Variants in GPR12 observed in about 807,000 individuals in gnomAD.
The protein encoded by GPR12 is G-protein coupled receptor 12.
In GPR12, 7 loss-of-function variants were observed where a neutral mutation model predicts 18.9. The ratio of observed to expected loss-of-function variants is 0.37; its 90% confidence interval spans 0.21 to 0.70. The LOEUF is 0.70. Ranked by LOEUF, GPR12 falls within the 30% of genes least tolerant of loss-of-function variation. The probability of loss-of-function intolerance (pLI) is 0.54; values close to 1 mark genes in which losing one functional copy is unlikely to be tolerated. For synonymous variants in GPR12, 201 were observed against 188.6 expected, an observed-to-expected ratio of 1.07 and a Z score of -0.54; for missense variants, 327 against 427.7, an observed-to-expected ratio of 0.76 and a Z score of 2.08.
chr13:26,759,615 G>T lies in GPR12; in HGVS notation c.213C>A (p.His71Gln), dbSNP rs1318188001. ...ENAIVVLIIF[H>Q]NPSLRAPMFL... ...ACATGGGTGCTCGCAGGCTGGGGTT[G>T]TGGAAGATGATAAGGACCACAATGG... Residue 71 changes from histidine to glutamine, a missense_variant, in exon 2 of 2, where the codon CAC (histidine) becomes CAA (glutamine). Coordinates refer to ENST00000405846, the MANE Select transcript of GPR12 (RefSeq NM_005288.4). 1 of 1,614,204 alleles carries T rather than the reference G, an allele frequency of 6.2e-7. No homozygotes were observed. Among genetic ancestry groups the T allele is most frequent in the Non-Finnish European group, 8.5e-7 (1 of 1,180,040 alleles).
Position 26,759,623 on chromosome 13 carries a change from T to A in GPR12, c.205A>T (p.Ile69Phe), listed in dbSNP as rs747921779. The A allele has an allele frequency of 1.2e-6, 2 of 1,613,988 alleles. No homozygotes were observed. The highest frequency in any genetic ancestry group is 1.7e-6 in the Non-Finnish European group (2 of 1,180,014). The change falls in exon 2 of 2, where the codon ATC (isoleucine) becomes TTC (phenylalanine). Residue 69 changes from isoleucine (I) to phenylalanine (F), a missense_variant. Ile to Phe is a conservative substitution (Grantham distance 21, BLOSUM62 0). Coordinates refer to ENST00000405846, the MANE Select transcript of GPR12 (RefSeq NM_005288.4). Reference protein sequence around the residue: ...SCENAIVVLIIFHNPSLRAPM... With the variant: ...SCENAIVVLIFFHNPSLRAPM... The stretch of plus-strand genomic sequence containing the variant: ...GCTCGCAGGCTGGGGTTGTGGAAGA[T>A]GATAAGGACCACAATGGCATTTTCA...
chr13:26,756,361 T>C lies in GPR12; in HGVS notation c.*2462A>G, dbSNP rs1294911423. On this transcript the variant is annotated 3_prime_UTR_variant, in exon 2 of 2. Transcript: ENST00000405846. Reference sequence around the variant, plus strand: ...CGCCACCACGCCCGGCTAAATTTTATTTTTAGTAGAGACAGGGTTTTGCCA... The same window carrying C: ...CGCCACCACGCCCGGCTAAATTTTACTTTTAGTAGAGACAGGGTTTTGCCA... 1 of 152,208 alleles carries C rather than the reference T, an allele frequency of 6.6e-6. No homozygotes were observed. Among genetic ancestry groups the C allele is most frequent in the Admixed American group, 6.6e-5 (1 of 15,264 alleles). The allele number at this position is 152,208 out of a possible 1,614,324, so 9.4% of individuals were successfully genotyped here.
rs1884405852 is a variant in GPR12 at position 26,757,942 on chromosome 13, T to C, written c.*881A>G. 1 of 152,262 alleles carries C rather than the reference T, an allele frequency of 6.6e-6. No homozygotes were observed. Among genetic ancestry groups the C allele is most frequent in the African/African-American group, 2.4e-5 (1 of 41,474 alleles). 9.4% of individuals were successfully genotyped at this position (152,262 alleles called of 1,614,324 possible). On this transcript the variant is annotated 3_prime_UTR_variant, in exon 2 of 2. Transcript: ENST00000405846. ...TCTACTCTCAATTGCTAATATTTTT[T>C]CCTTTTGTTTTCTGAAAACAATCAG... is the stretch of plus-strand genomic sequence containing the variant.
Position 26,756,077 on chromosome 13 carries a change from G to A in GPR12, c.*2746C>T, listed in dbSNP as rs928351857. The stretch of plus-strand genomic sequence containing the variant: ...ATCCAACATTTTTCACAATTTAAAC[G>A]GTAAAGGCATGTTGTTAGTTGAACT... On this transcript the variant is annotated 3_prime_UTR_variant, in exon 2 of 2. Transcript: ENST00000405846. The A allele has an allele frequency of 2.0e-5, 3 of 152,168 alleles. No individual in the cohort carries two copies. Among genetic ancestry groups the A allele is most frequent in the Admixed American group, 1.3e-4 (2 of 15,286 alleles). 9.4% of individuals were successfully genotyped at this position (152,168 alleles called of 1,614,324 possible). A position where few individuals can be genotyped will look rare whatever the true frequency, so the allele number is the denominator to read the frequency against.
At position 26,759,229 on chromosome 13, in the gene GPR12, G is replaced by A. The variant is rs769723818; in HGVS notation, c.599C>T (p.Ala200Val). The A allele has an allele frequency of 8.7e-6, 14 of 1,612,944 alleles. No individual in the cohort carries two copies. The highest frequency in any genetic ancestry group is 1.3e-5 in the African/African-American group (1 of 74,860). ...GAAGAGGAAGGACACCGAGAGGATG[G>A]CCGCGTTGTTCTTGGTGAGCGGTCT... is the stretch of plus-strand genomic sequence containing the variant. Reference protein sequence around the residue: ...VVRPLTKNNAAILSVSFLFMF... With the variant: ...VVRPLTKNNAVILSVSFLFMF... The change falls in exon 2 of 2, where the codon GCC becomes GTC. Residue 200 changes from alanine (A) to valine (V), a missense_variant. Coordinates refer to ENST00000405846, the MANE Select transcript of GPR12 (RefSeq NM_005288.4).
Position 26,759,657 on chromosome 13 carries a change from G to A in GPR12, c.171C>T (p.Leu57=). 2 of 1,614,050 alleles carry A rather than the reference G, an allele frequency of 1.2e-6. No individual in the cohort carries two copies. Residue 57 remains leucine, a synonymous_variant, in exon 2 of 2, where the codon CTC becomes CTT. Coordinates refer to ENST00000405846, the MANE Select transcript of GPR12 (RefSeq NM_005288.4). ...WDIVLCTSGT[L]ISCENAIVVL... Reference sequence around the variant, plus strand: ...CCACAATGGCATTTTCACAGGAGATGAGGGTTCCCGAGGTACACAAGACAA... The same window carrying A: ...CCACAATGGCATTTTCACAGGAGATAAGGGTTCCCGAGGTACACAAGACAA...
chr13:26,760,006 G>A, intron 1 of GPR12, 164 bp from the exon 2 acceptor site: 9 of 1,203,844 alleles, frequency 7.5e-6, no homozygotes, highest in Non-Finnish European at 1.0e-5. Context: ...TGAAACAAAA[G>A]CCAAAGTCTC....
intron 1 of GPR12, chr13:26,760,330 G>T: frequency 5.9e-6 from 1 of 168,364 alleles, no homozygotes. Context: ...CCGCGCGCGT[G>T]CACATCCTCA....
rs1272967207 is a variant in GPR12 at position 26,757,323 on chromosome 13, T to G, written c.*1500A>C. 1 of 152,246 alleles carries G rather than the reference T, an allele frequency of 6.6e-6. No homozygotes were observed. Among genetic ancestry groups the G allele is most frequent in the East Asian group, 1.9e-4 (1 of 5,198 alleles). 9.4% of individuals were successfully genotyped at this position (152,246 alleles called of 1,614,324 possible). On this transcript the variant is annotated 3_prime_UTR_variant, in exon 2 of 2. Coordinates refer to ENST00000405846, the MANE Select transcript of GPR12 (RefSeq NM_005288.4). ...AATGACCCTGAAATACTGCTTTTGC[T>G]GCCATCTGAATGGGCTCAATTAATG...
rs762134378 is a variant in GPR12 at position 26,759,795 on chromosome 13, C to A, written c.33G>T (p.Gly11=). ...CGGCATCTAAATAATCCCGAGGCAGCCCGCTTAAATTGACCTTCAGGTCTT... is the reference window on the plus strand; with the variant it reads ...CGGCATCTAAATAATCCCGAGGCAGACCGCTTAAATTGACCTTCAGGTCTT... The part of the protein sequence containing the change: MNEDLKVNLS[G]LPRDYLDAAA... Residue 11 remains glycine, a synonymous_variant, in exon 2 of 2, where the codon GGG becomes GGT. Coordinates refer to ENST00000405846, the MANE Select transcript of GPR12 (RefSeq NM_005288.4). The A allele has an allele frequency of 3.1e-6, 5 of 1,596,578 alleles. No homozygotes were observed. The African/African-American group carries it at 4.0e-5, about 13-fold the overall frequency.
chr13:26,759,896 A>C, intron 1 of GPR12, 54 bp from the exon 2 acceptor site: 17 of 1,498,134 alleles, frequency 1.1e-5, no homozygotes, highest in Non-Finnish European at 1.5e-5. Context: ...GTGACAATCC[A>C]AGATCATGCA....
In GPR12 at chr13:26,758,755, G is replaced by A. The variant is rs1294999629; in HGVS notation, c.*68C>T. On this transcript the variant is annotated 3_prime_UTR_variant, in exon 2 of 2. Transcript: ENST00000405846. Reference sequence around the variant, plus strand: ...ATCCAATGCAAGGAATTCAAGGGAAGCATCTCAAACCTTGGCCAGGCAGTG... The same window carrying A: ...ATCCAATGCAAGGAATTCAAGGGAAACATCTCAAACCTTGGCCAGGCAGTG... 2.0e-6 allele frequency: 3 copies of A among 1,521,056 alleles called. No homozygotes were observed. Among genetic ancestry groups the A allele is most frequent in the African/African-American group, 2.8e-5 (2 of 72,152 alleles). The allele number at this position is 1,521,056 out of a possible 1,614,324, so 94.2% of individuals were successfully genotyped here. A position where few individuals can be genotyped will look rare whatever the true frequency, so the allele number is the denominator to read the frequency against.
rs1267095251 is a variant in GPR12, at chr13:26,756,184, A to C, written c.*2639T>G. ...GTAACTAGTGTAACTTTAAACAGGAAATTTTATGTCCTTTTTTTTTTGAGA... is the reference window on the plus strand; with the variant it reads ...GTAACTAGTGTAACTTTAAACAGGACATTTTATGTCCTTTTTTTTTTGAGA... On this transcript the variant is annotated 3_prime_UTR_variant, in exon 2 of 2. Coordinates refer to ENST00000405846, the MANE Select transcript of GPR12 (RefSeq NM_005288.4). The C allele has an allele frequency of 1.3e-5, 2 of 152,212 alleles. No individual in the cohort carries two copies. Among genetic ancestry groups the C allele is most frequent in the East Asian group, 3.9e-4 (2 of 5,176 alleles). The allele number at this position is 152,212 out of a possible 1,614,324, so 9.4% of individuals were successfully genotyped here.
intron 1 of GPR12, 131 bp from the exon 2 acceptor site, chr13:26,759,973 G>C (rs545328327): frequency 1.5e-6 from 2 of 1,349,018 alleles, no homozygotes; most frequent in South Asian, 3.9e-5. Flanking sequence ...CACAAGCTTC[G>C]GGAATGAGGA....
rs979184332 is a variant in GPR12 at position 26,757,424 on chromosome 13, G to A, written c.*1399C>T. The A allele has an allele frequency of 5.3e-5, 8 of 152,254 alleles. No individual in the cohort carries two copies. Among genetic ancestry groups the A allele is most frequent in the South Asian group, 2.1e-4 (1 of 4,818 alleles). The allele number at this position is 152,254 out of a possible 1,614,324, so 9.4% of individuals were successfully genotyped here. On this transcript the variant is annotated 3_prime_UTR_variant, in exon 2 of 2. Coordinates refer to ENST00000405846, the MANE Select transcript of GPR12 (RefSeq NM_005288.4). ...TTGCAAATGGAGGGAAGGTACCTGC[G>A]TCTACATTTGTCTGCATGAACAGAA...
rs977257304 is a variant in GPR12 at position 26,758,059 on chromosome 13, A to T, written c.*764T>A. On this transcript the variant is annotated 3_prime_UTR_variant, in exon 2 of 2. Transcript: ENST00000405846. ...CTTCAGGATTCATTTTAGAAAGTAC[A>T]TATTGGAAAACTATATTGAAAAATG... 6.6e-6 allele frequency: 1 copy of T among 152,252 alleles called. No homozygotes were observed. Among genetic ancestry groups the T allele is most frequent in the African/African-American group, 2.4e-5 (1 of 41,468 alleles). 9.4% of individuals were successfully genotyped at this position (152,252 alleles called of 1,614,324 possible). A position where few individuals can be genotyped will look rare whatever the true frequency, so the allele number is the denominator to read the frequency against.
In GPR12 at chr13:26,759,344, C is replaced by T; in HGVS notation, c.484G>A (p.Val162Ile). 1.2e-6 allele frequency: 2 copies of T among 1,613,540 alleles called. No individual in the cohort carries two copies. Among genetic ancestry groups the T allele is most frequent in the Non-Finnish European group, 1.7e-6 (2 of 1,179,994 alleles). The stretch of plus-strand genomic sequence containing the variant: ...CAGATGGAGGTCCCCCAGAGCATGA[C>T]GAGCATGACATAGGTAAACGTGACC... ...RTVTFTYVML[V>I]MLWGTSICLG... The change falls in exon 2 of 2, where the codon GTC (valine) becomes ATC (isoleucine). Residue 162 changes from valine to isoleucine, a missense_variant. By Grantham distance (29) the Val-to-Ile change is conservative (BLOSUM62 3). Coordinates refer to ENST00000405846, the MANE Select transcript of GPR12 (RefSeq NM_005288.4).
Position 26,755,212 on chromosome 13 carries a change from C to T in GPR12, c.*3611G>A, listed in dbSNP as rs1427619864. On this transcript the variant is annotated 3_prime_UTR_variant, in exon 2 of 2. Coordinates refer to ENST00000405846, the MANE Select transcript of GPR12 (RefSeq NM_005288.4). The stretch of plus-strand genomic sequence containing the variant: ...TAATTATGACAAATTTTAAAGGGGA[C>T]AATAAGGCAGTCTTTTCCTTTATTA... The T allele has an allele frequency of 1.3e-5, 2 of 152,050 alleles. No individual in the cohort carries two copies. The highest frequency in any genetic ancestry group is 2.9e-5 in the Non-Finnish European group (2 of 68,018). 9.4% of individuals were successfully genotyped at this position (152,050 alleles called of 1,614,324 possible). A position where few individuals can be genotyped will look rare whatever the true frequency, so the allele number is the denominator to read the frequency against.
chr13:26,759,914 CACAG>C (rs747258816), intron 1 of GPR12, 72 bp from the exon 2 acceptor site: 50 of 1,476,130 alleles, frequency 3.4e-5, no homozygotes, highest in Middle Eastern at 2.1e-4. Flanking sequence ...GCAAAAAACA[CACAG>C]ACAAACAGAA....
Sources: gnomAD v4.1 joint callset for allele counts on GRCh38, gnomAD v4.1.1 for gene constraint, MANE v1.5 for transcripts, NCBI Gene and HGNC (gene_info 2026-07-23, HGNC 2026-07-21) for gene names.